Variants in BAZ1A observed in about 807,000 individuals in gnomAD.
The protein encoded by BAZ1A is bromodomain adjacent to zinc finger domain 1A.
BAZ1A carries 50 observed loss-of-function variants against 185.2 expected under a neutral mutation model. The observed-to-expected ratio is 0.27, with a 90% CI of 0.22 to 0.34. BAZ1A has a LOEUF of 0.34. Ranked by LOEUF, BAZ1A falls within the 10% of genes least tolerant of loss-of-function variation. BAZ1A has a pLI of 1.00. For synonymous variants in BAZ1A, 571 were observed against 615.6 expected, an observed-to-expected ratio of 0.93 and a Z score of 1.07; for missense variants, 1,356 against 1,839.9, an observed-to-expected ratio of 0.74 and a Z score of 4.81.
chr14:34,844,202 T>C, intron 3 of BAZ1A, among the ~76,000 whole-genome samples: 1 of 65,400 alleles, frequency 1.5e-5, no homozygotes, highest in Admixed American at 2.1e-4. Context: ...CGAGACTCCG[T>C]CTCAAAAAAA....
chr14:34,780,204 G>A lies in BAZ1A; in HGVS notation c.2218C>T (p.His740Tyr). The A allele has an allele frequency of 6.2e-7, 1 of 1,613,238 alleles. No homozygotes were observed. Among genetic ancestry groups the A allele is most frequent in the East Asian group, 2.2e-5 (1 of 44,762 alleles). The stretch of plus-strand genomic sequence containing the variant: ...GTATTACCCCTTCTGCCTCTTTTAT[G>A]TGATCCTGGGTCATCTTCATCTTCA... The part of the protein sequence containing the change: ...VTEDEDDPGS[H>Y]KRGRRGKRGQ... The change falls in exon 17 of 27, where the codon CAT becomes TAT. Residue 740 changes from histidine to tyrosine, a missense_variant. His to Tyr is a moderately conservative substitution (Grantham distance 83, BLOSUM62 2). Transcript: ENST00000360310.
At chr14:34,863,638 A>G (rs1241403837) in intron 2 of BAZ1A, among the ~76,000 whole-genome samples, 3 of 152,128 alleles carry the variant, frequency 2.0e-5, no homozygotes, top group Non-Finnish European at 2.9e-5. Flanking sequence ...CAAGAGATCT[A>G]TATCACAGAA....
Position 34,825,921 on chromosome 14 carries a change from G to A in BAZ1A, c.536+92C>T, listed in dbSNP as rs1444023615. On this transcript the variant is annotated intron_variant, in intron 4 of 26. Transcript: ENST00000360310. ...CCACTGTACTCCAGCCTGGGCAAAA[G>A]AGTGAAACTCTATCTCAAAAAAAAA... 9.5e-6 allele frequency: 12 copies of A among 1,267,226 alleles called. No homozygotes were observed. In the African/African-American group the frequency reaches 1.7e-4, roughly 18 times the overall value. The allele number at this position is 1,267,226 out of a possible 1,614,324, so 78.5% of individuals were successfully genotyped here. A position where few individuals can be genotyped will look rare whatever the true frequency, so the allele number is the denominator to read the frequency against.
At chr14:34,773,840 G>A in intron 19 of BAZ1A, 114 bp from the exon 20 acceptor site, 1 of 1,101,220 alleles carries the variant, frequency 9.1e-7, no homozygotes, top group Non-Finnish European at 1.3e-6. Flanking sequence ...AAATGATTAT[G>A]AATCAAAAAG....
chr14:34,797,043 A>G (rs1406534363), intron 9 of BAZ1A, among the ~76,000 whole-genome samples: 1 of 152,226 alleles, frequency 6.6e-6, no homozygotes, highest in Non-Finnish European at 1.5e-5. Context: ...CCAAAAAAAA[A>G]GACTTTATTC....
chr14:34,787,755 G>A (rs2138621960), intron 12 of BAZ1A, among the ~76,000 whole-genome samples: 1 of 152,300 alleles, frequency 6.6e-6, no homozygotes, highest in Middle Eastern at 3.4e-3. Context: ...AACTGCTTTA[G>A]CTTTAAAACA....
chr14:34,839,659 T>A (rs1566590046), intron 3 of BAZ1A, among the ~76,000 whole-genome samples: 1 of 151,022 alleles, frequency 6.6e-6, no homozygotes, highest in African/African-American at 2.4e-5. Flanking sequence ...CTGGCTAACA[T>A]GGAGAAACCC....
chr14:34,758,357 A>G (rs928888488), intron 25 of BAZ1A, among the ~76,000 whole-genome samples: 5 of 151,680 alleles, frequency 3.3e-5, no homozygotes, highest in African/African-American at 1.2e-4. Flanking sequence ...CGAGGTGGGC[A>G]GATCACAAGG....
intron 17 of BAZ1A, among the ~76,000 whole-genome samples, chr14:34,779,557 G>GA (rs1483756239): frequency 1.3e-5 from 2 of 151,826 alleles, no homozygotes; most frequent in East Asian, 3.9e-4. Flanking sequence ...AAAAAATACA[G>GA]AAAAAAAGAT....
chr14:34,789,347 T>C (rs1423151631), intron 12 of BAZ1A, among the ~76,000 whole-genome samples: 1 of 152,208 alleles, frequency 6.6e-6, no homozygotes, highest in Non-Finnish European at 1.5e-5. Flanking sequence ...GTATTTTTAA[T>C]TGTGTTAAAT....
At chr14:34,775,761 C>G (rs962033078) in intron 18 of BAZ1A, among the ~76,000 whole-genome samples, 158 bp downstream of exon 18, 3 of 152,158 alleles carry the variant, frequency 2.0e-5, no homozygotes, top group Admixed American at 2.0e-4. Flanking sequence ...TACAGAAATA[C>G]ATTCCCAAAC....
At chr14:34,781,596 A>G (rs979335214) in intron 16 of BAZ1A, among the ~76,000 whole-genome samples, 4 of 151,090 alleles carry the variant, frequency 2.6e-5, no homozygotes, top group Non-Finnish European at 4.4e-5. Context: ...GGCTCATTGC[A>G]ACCTCCACCT....
Position 34,783,665 on chromosome 14 carries a change from A to T in BAZ1A, c.1997+97T>A, listed in dbSNP as rs186228807. ...CTTAGTAAAGCCATCAAACATCAGT[A>T]TAATGAATGCCACATTATAGCACCA... On this transcript the variant is annotated intron_variant, in intron 15 of 26. Coordinates refer to ENST00000360310, the MANE Select transcript of BAZ1A (RefSeq NM_013448.3). 1.3e-3 allele frequency: 1,945 copies of T among 1,467,406 alleles called. 6 individuals are homozygous for T. Among genetic ancestry groups the T allele is most frequent in the Non-Finnish European group, 1.7e-3 (1,824 of 1,090,858 alleles). The allele number at this position is 1,467,406 out of a possible 1,614,324, so 90.9% of individuals were successfully genotyped here. A position where few individuals can be genotyped will look rare whatever the true frequency, so the allele number is the denominator to read the frequency against.
At position 34,771,591 on chromosome 14, in the gene BAZ1A, C is replaced by T. The variant is rs767004535; in HGVS notation, c.3221G>A (p.Ser1074Asn). 18 of 1,613,846 alleles carry T rather than the reference C, an allele frequency of 1.1e-5. No homozygotes were observed. The highest frequency in any genetic ancestry group is 1.5e-5 in the Non-Finnish European group (18 of 1,179,850). ...STNASTPQSV[S>N]SVVHYLAMAL... The stretch of plus-strand genomic sequence containing the variant: ...CATTGCCAGATAATGAACCACACTG[C>T]TCACTGATTGTGGTGTACTTGCATT... The change falls in exon 21 of 27, where the codon AGC (serine) becomes AAC (asparagine). Residue 1074 changes from serine to asparagine, a missense_variant. By Grantham distance (46) the Ser-to-Asn change is conservative. Around this residue, in one of 7 missense-constraint regions of BAZ1A, gnomAD observed 434 missense variants for 561.7 expected, o/e 0.77. Transcript: ENST00000360310.
At chr14:34,844,459 C>A (rs2042470292) in intron 3 of BAZ1A, among the ~76,000 whole-genome samples, 1 of 151,954 alleles carries the variant, frequency 6.6e-6, no homozygotes, top group Non-Finnish European at 1.5e-5. Flanking sequence ...AAACAACTTA[C>A]AGACTCAATG....
At chr14:34,864,952 A>G (rs923536404) in intron 2 of BAZ1A, among the ~76,000 whole-genome samples, 5 of 150,994 alleles carry the variant, frequency 3.3e-5, no homozygotes, top group Non-Finnish European at 7.4e-5. Flanking sequence ...AATTTTTTGC[A>G]TTTTCAGTAG....
intron 18 of BAZ1A, among the ~76,000 whole-genome samples, chr14:34,775,057 A>G (rs1161390415): frequency 6.6e-6 from 1 of 152,108 alleles, no homozygotes; most frequent in African/African-American, 2.4e-5. Flanking sequence ...TCTACTAAAA[A>G]TACAAAAAAT....
chr14:34,866,502 A>AAAAAAAAAAAAAAAAAAAAAAGAAAG, intron 2 of BAZ1A, among the ~76,000 whole-genome samples: 6 of 79,562 alleles, frequency 7.5e-5, no homozygotes, highest in South Asian at 4.5e-4. Context: ...AAAAAAAAAA[A>AAAAAAAAAAAAAAAAAAAAAAGAAAG]GAAAAAAGTT....
chr14:34,809,956 T>C (rs1368185579), intron 5 of BAZ1A, among the ~76,000 whole-genome samples: 1 of 152,140 alleles, frequency 6.6e-6, no homozygotes, highest in Non-Finnish European at 1.5e-5. Context: ...TATTTTTGAA[T>C]ATAAAGTAAA....
Sources: gnomAD v4.1 joint callset for allele counts (sites outside exome capture counted in the v4.1 genomes callset) on GRCh38, gnomAD v4.1.1 for gene constraint, gnomAD v4.1.1 regional missense constraint, MANE v1.5 for transcripts, NCBI Gene and HGNC (gene_info 2026-07-23, HGNC 2026-07-21) for gene names.